TAF4B: variants seen among roughly 807,000 people sequenced by gnomAD.
TAF4B encodes TATA-box binding protein associated factor 4b.
Under a neutral mutation model 86.4 loss-of-function variants are expected in TAF4B, and 38 were observed. The observed-to-expected ratio is 0.44, with a 90% CI of 0.34 to 0.58. The LOEUF is 0.58. Among genes scored for constraint, TAF4B ranks in the 20% least tolerant of loss-of-function variants. The pLI, the probability that TAF4B is intolerant of heterozygous loss-of-function variation, is 0.02. For synonymous variants in TAF4B, 388 were observed against 391.2 expected, an observed-to-expected ratio of 0.99 and a Z score of 0.10; for missense variants, 988 against 1,027.6, an observed-to-expected ratio of 0.96 and a Z score of 0.53.
chr18:26,313,184 A>AT (rs1330944791), intron 9 of TAF4B, among the ~76,000 whole-genome samples: 1 of 152,122 alleles, frequency 6.6e-6, no homozygotes, highest in African/African-American at 2.4e-5. Flanking sequence ...TGAGTTATGT[A>AT]TTTTTTGGAG....
At chr18:26,345,632 G>T (rs935452651) in intron 13 of TAF4B, among the ~76,000 whole-genome samples, 8 of 152,092 alleles carry the variant, frequency 5.3e-5, no homozygotes, top group Non-Finnish European at 1.0e-4. Flanking sequence ...TGTCCACCTA[G>T]AACTCAACAA....
chr18:26,374,050 T>C (rs375547283), intron 14 of TAF4B, among the ~76,000 whole-genome samples: 2 of 152,322 alleles, frequency 1.3e-5, no homozygotes, highest in South Asian at 4.1e-4. Flanking sequence ...TAGCAAAATA[T>C]TGAGCTCACA....
At chr18:26,278,263 C>T (rs921244017) in intron 5 of TAF4B, among the ~76,000 whole-genome samples, 1 of 152,076 alleles carries the variant, frequency 6.6e-6, no homozygotes, top group Non-Finnish European at 1.5e-5. Flanking sequence ...ATTTTTACTG[C>T]TTCATCCAAG....
intron 1 of TAF4B, among the ~76,000 whole-genome samples, chr18:26,240,987 A>G (rs1389984703): frequency 5.3e-5 from 8 of 152,192 alleles, no homozygotes; most frequent in Non-Finnish European, 1.2e-4. Flanking sequence ...TCGGTTTGCC[A>G]GTATTTTATT....
chr18:26,329,398 T>C (rs1259155089), intron 12 of TAF4B, among the ~76,000 whole-genome samples: 1 of 152,190 alleles, frequency 6.6e-6, no homozygotes, highest in South Asian at 2.1e-4. Context: ...TCTTCAGACA[T>C]GATGTTCCAC....
In TAF4B at chr18:26,327,172, G is replaced by A. The variant is rs148502453; in HGVS notation, c.2259+32G>A. On this transcript the variant is annotated intron_variant, in intron 12 of 14. Transcript: ENST00000269142. The stretch of plus-strand genomic sequence containing the variant: ...GCCAGTGTGATTTATGAGTGAATGT[G>A]GCCTGGCAGTGTGGTCAGAGGTGGC... The A allele has an allele frequency of 3.8e-4, 609 of 1,601,420 alleles. 5 individuals carry two copies. The African/African-American group carries it at 7.4e-3, about 19-fold the overall frequency.
intron 14 of TAF4B, among the ~76,000 whole-genome samples, chr18:26,360,457 A>G (rs985403617): frequency 6.6e-6 from 1 of 151,982 alleles, no homozygotes; most frequent in African/African-American, 2.4e-5. Flanking sequence ...GGCTTTATTC[A>G]TCTAAAAGTT....
intron 5 of TAF4B, among the ~76,000 whole-genome samples, chr18:26,278,616 GTT>G (rs57064009): frequency 9.5e-4 from 133 of 140,438 alleles, no homozygotes; most frequent in Middle Eastern, 3.7e-3. Context: ...GCCTTCTGTT[GTT>G]TTTTTTTTTT....
At chr18:26,320,974 G>T in intron 10 of TAF4B, 96 bp from the exon 11 acceptor site, 1 of 1,446,904 alleles carries the variant, frequency 6.9e-7, no homozygotes, top group Non-Finnish European at 9.5e-7. Flanking sequence ...TTCATAATGG[G>T]TATGACTTCC....
intron 14 of TAF4B, among the ~76,000 whole-genome samples, chr18:26,359,706 A>G (rs1366735042): frequency 6.6e-6 from 1 of 151,948 alleles, no homozygotes; most frequent in Non-Finnish European, 1.5e-5. Context: ...CGTCAATTTA[A>G]TTTTATTTAT....
chr18:26,244,968 C>G (rs1440185733), intron 1 of TAF4B, among the ~76,000 whole-genome samples: 1 of 152,218 alleles, frequency 6.6e-6, no homozygotes, highest in African/African-American at 2.4e-5. Flanking sequence ...AGCTGAATGT[C>G]TTTCCTCTCT....
chr18:26,307,419 T>C (rs967912579), intron 9 of TAF4B, among the ~76,000 whole-genome samples: 2 of 152,110 alleles, frequency 1.3e-5, no homozygotes, highest in Non-Finnish European at 2.9e-5. Flanking sequence ...TACTTCAGAA[T>C]CAGAAGTGGC....
intron 2 of TAF4B, 127 bp from the exon 3 acceptor site, chr18:26,267,389 T>C (rs1301291914): frequency 3.1e-6 from 2 of 642,718 alleles, no homozygotes; most frequent in Non-Finnish European, 5.6e-6. Context: ...TAAAACACAT[T>C]AGGTTATAAC....
At chr18:26,316,627 G>A (rs1344198234) in intron 10 of TAF4B, among the ~76,000 whole-genome samples, 1 of 152,144 alleles carries the variant, frequency 6.6e-6, no homozygotes, top group Non-Finnish European at 1.5e-5. Context: ...TTCACCTCAG[G>A]TGATCCACCC....
At chr18:26,272,999 T>C (rs2056340446) in intron 3 of TAF4B, among the ~76,000 whole-genome samples, 1 of 152,214 alleles carries the variant, frequency 6.6e-6, no homozygotes, top group Admixed American at 6.5e-5. Context: ...TTTTAAAATC[T>C]TATTAAAGTT....
chr18:26,296,925 A>AT (rs56237970), intron 9 of TAF4B, among the ~76,000 whole-genome samples: 141,986 of 152,112 alleles, frequency 0.93, 66,559 homozygotes, highest in East Asian at 0.99. Flanking sequence ...GGATCACTTG[A>AT]GTCAAGAGTT....
At chr18:26,372,960 C>CA (rs55712756) in intron 14 of TAF4B, among the ~76,000 whole-genome samples, 100,648 of 138,506 alleles carry the variant, frequency 0.73, 38,970 homozygotes, top group East Asian at 0.87. Context: ...GACTCTGTCT[C>CA]AAAAAAAAAA....
rs73395974 is a variant in TAF4B, at chr18:26,390,094, A to G, written c.*82A>G. Reference sequence around the variant, plus strand: ...ATTGTTGCACTGTCCTGAAATTTCAATTTCTGGAAAATAATCACCAACATG... The same window carrying G: ...ATTGTTGCACTGTCCTGAAATTTCAGTTTCTGGAAAATAATCACCAACATG... On this transcript the variant is annotated 3_prime_UTR_variant, in exon 15 of 15. Transcript: ENST00000269142. 4.8e-3 allele frequency: 6,688 copies of G among 1,386,842 alleles called. 267 individuals are homozygous for G. In the African/African-American group the frequency reaches 0.087, roughly 18 times the overall value. 85.9% of individuals were successfully genotyped at this position (1,386,842 alleles called of 1,614,324 possible). A position where few individuals can be genotyped will look rare whatever the true frequency, so the allele number is the denominator to read the frequency against.
intron 5 of TAF4B, among the ~76,000 whole-genome samples, chr18:26,279,690 C>T (rs887458468): frequency 2.6e-5 from 4 of 152,054 alleles, no homozygotes; most frequent in South Asian, 4.1e-4. Flanking sequence ...AATAGAGAAC[C>T]CAGAAATAAA....
Sources: gnomAD v4.1 joint callset for allele counts (sites outside exome capture counted in the v4.1 genomes callset) on GRCh38, gnomAD v4.1.1 for gene constraint, MANE v1.5 for transcripts, NCBI Gene and HGNC (gene_info 2026-07-23, HGNC 2026-07-21) for gene names.